Variants in TNFRSF8 observed in about 807,000 individuals in gnomAD.
TNFRSF8 encodes the protein tumor necrosis factor receptor superfamily member 8.
In TNFRSF8, 26 loss-of-function variants were observed where a neutral mutation model predicts 70.8. The observed-to-expected ratio is 0.37, with a 90% confidence interval of 0.27 to 0.51. TNFRSF8 has a LOEUF of 0.51. TNFRSF8 is among the 20% of genes least tolerant of loss of function. The probability of loss-of-function intolerance (pLI) is 0.94; values close to 1 mark genes in which losing one functional copy is unlikely to be tolerated. For missense variants in TNFRSF8, 720 were observed against 807.9 expected (o/e 0.89, Z 1.32); for synonymous variants, 356 against 339.2 (o/e 1.05, Z -0.54).
Position 12,119,216 on chromosome 1 carries a change from T to C in TNFRSF8, c.946+3487T>C, listed in dbSNP as rs529892712. On this transcript the variant is annotated intron_variant, in intron 8 of 14. Transcript: ENST00000263932. The surrounding 1 kb of genome is among the most constrained non-coding windows in gnomAD (Gnocchi z 4.4). ...GGCCTGGTGACCACCTTGATGTGGC[T>C]CTCCCAATGCAGACATTGGCACGTG... Among the ~76,000 whole-genome samples the C allele has an allele frequency of 2.6e-5, 4 of 152,158 alleles. No individual in the cohort carries two copies. Among genetic ancestry groups the C allele is most frequent in the Non-Finnish European group, 5.9e-5 (4 of 68,030 alleles).
At chr1:12,104,015 G>A (rs1431708949) in intron 3 of TNFRSF8, among the ~76,000 whole-genome samples, 3 of 152,020 alleles carry the variant, frequency 2.0e-5, no homozygotes, top group Admixed American at 2.0e-4. Flanking sequence ...TGAGCTCGTT[G>A]GTTCACCTCT....
chr1:12,128,073 C>A (rs574995458), intron 12 of TNFRSF8, among the ~76,000 whole-genome samples: 1 of 152,280 alleles, frequency 6.6e-6, no homozygotes, highest in Admixed American at 6.5e-5. Flanking sequence ...GGCCGGATGC[C>A]CCTTTCCCTC....
intron 2 of TNFRSF8, among the ~76,000 whole-genome samples, chr1:12,094,728 C>T (rs1185165953): frequency 1.3e-5 from 2 of 150,546 alleles, no homozygotes; most frequent in Non-Finnish European, 2.9e-5. Flanking sequence ...CAGGTTCAAG[C>T]AATTCTCCTG....
chr1:12,082,565 A>C (rs1263905053), intron 1 of TNFRSF8, among the ~76,000 whole-genome samples: 1 of 147,120 alleles, frequency 6.8e-6, no homozygotes, highest in East Asian at 2.0e-4. Context: ...AAAAAAAAAC[A>C]AAAACAAAAC....
At chr1:12,128,833 CTTTTTTTTTTT>C (rs60878706) in intron 12 of TNFRSF8, among the ~76,000 whole-genome samples, 1 of 111,776 alleles carries the variant, frequency 8.9e-6, no homozygotes. Context: ...GTCTAAAATT[CTTTTTTTTTTT>C]TTTTTTTTGA....
At chr1:12,134,735 C>T (rs893427769) in intron 12 of TNFRSF8, among the ~76,000 whole-genome samples, 1 of 152,194 alleles carries the variant, frequency 6.6e-6, no homozygotes, top group Non-Finnish European at 1.5e-5. Flanking sequence ...TGGCTTCGGG[C>T]GTGTCCCAGG....
At chr1:12,135,315 C>CAACAAA (rs1642125143) in intron 12 of TNFRSF8, among the ~76,000 whole-genome samples, 1 of 93,612 alleles carries the variant, frequency 1.1e-5, no homozygotes, top group Non-Finnish European at 2.0e-5. Context: ...GACTCCATCT[C>CAACAAA]AAAAAAAAAA....
intron 1 of TNFRSF8, among the ~76,000 whole-genome samples, chr1:12,076,931 A>G (rs11569798): frequency 0.013 from 2,002 of 152,114 alleles, 41 homozygotes; most frequent in African/African-American, 0.045. Context: ...AGTCCCCTAA[A>G]ACGTCCATAC....
At chr1:12,069,140 G>A (rs1640792804) in intron 1 of TNFRSF8, among the ~76,000 whole-genome samples, 1 of 144,822 alleles carries the variant, frequency 6.9e-6, no homozygotes, top group South Asian at 2.2e-4. Context: ...CAAAGTGCTG[G>A]GATTACAGGC....
intron 9 of TNFRSF8, 72 bp downstream of exon 9, chr1:12,123,449 C>T (rs1641871412): frequency 3.5e-6 from 5 of 1,419,510 alleles, no homozygotes; most frequent in Non-Finnish European, 4.8e-6. Flanking sequence ...CCAGGGGATG[C>T]CTGGGAGGCA....
intron 1 of TNFRSF8, among the ~76,000 whole-genome samples, chr1:12,075,224 A>G (rs1640917253): frequency 6.6e-6 from 1 of 150,932 alleles, no homozygotes; most frequent in South Asian, 2.1e-4. Flanking sequence ...AGCCTGGGCG[A>G]CAGAGTGAGA....
In TNFRSF8 at chr1:12,063,441, C is replaced by T; in HGVS notation, c.-158C>T. On this transcript the variant is annotated 5_prime_UTR_variant, in exon 1 of 15. Coordinates refer to ENST00000263932, the MANE Select transcript of TNFRSF8 (RefSeq NM_001243.5). This position sits in a 1 kb window ranked among gnomAD's most constrained non-coding sequence, Gnocchi z 7.2. ...ACTTTTGAAGTGACTTCGCGGCGTG[C>T]GTTGGGTGCGGACTAGGTGGCCGCG... 2 of 488,374 alleles carry T rather than the reference C, an allele frequency of 4.1e-6. No individual in the cohort carries two copies. Among genetic ancestry groups the T allele is most frequent in the Non-Finnish European group, 6.5e-6 (2 of 307,448 alleles). The allele number at this position is 488,374 out of a possible 1,614,324, so 30.3% of individuals were successfully genotyped here.
chr1:12,134,287 A>T (rs1024638924), intron 12 of TNFRSF8, among the ~76,000 whole-genome samples: 1 of 152,142 alleles, frequency 6.6e-6, no homozygotes, highest in African/African-American at 2.4e-5. Flanking sequence ...TGTGTGCCTG[A>T]CAACAGCATA....
intron 14 of TNFRSF8, among the ~76,000 whole-genome samples, chr1:12,139,803 T>G (rs1361196218): frequency 6.6e-6 from 1 of 152,120 alleles, no homozygotes; most frequent in Non-Finnish European, 1.5e-5. Context: ...CCTGGCTAAT[T>G]TTTTGTATTT....
intron 8 of TNFRSF8, among the ~76,000 whole-genome samples, chr1:12,118,692 C>T (rs1219195091): frequency 2.0e-5 from 3 of 152,208 alleles, no homozygotes; most frequent in African/African-American, 4.8e-5. Flanking sequence ...GTGATCAGCC[C>T]ATCATCTCTA....
chr1:12,135,554 TC>T, intron 12 of TNFRSF8, 33 bp from the exon 13 acceptor site: 1 of 1,613,650 alleles, frequency 6.2e-7, no homozygotes, highest in African/African-American at 1.3e-5. Context: ...GCTGCCAGAC[TC>T]CTTGGTGAAG....
intron 9 of TNFRSF8, 128 bp from the exon 10 acceptor site, chr1:12,123,587 A>G: frequency 1.0e-6 from 1 of 965,428 alleles, no homozygotes; most frequent in Non-Finnish European, 1.5e-6. Flanking sequence ...TGCCTGGCAG[A>G]GACTCGGGGC....
intron 4 of TNFRSF8, among the ~76,000 whole-genome samples, chr1:12,107,519 A>G (rs1160148650): frequency 9.2e-5 from 14 of 152,156 alleles, no homozygotes; most frequent in Non-Finnish European, 1.0e-4. Context: ...ATTATTTTTT[A>G]TATTGATTGC....
chr1:12,093,436 C>T (rs966087672), intron 2 of TNFRSF8, among the ~76,000 whole-genome samples: 26 of 152,028 alleles, frequency 1.7e-4, no homozygotes, highest in Non-Finnish European at 2.4e-4. Context: ...TGGGGAATGC[C>T]GTATGAACTA....
Sources: gnomAD v4.1 joint callset for allele counts (sites outside exome capture counted in the v4.1 genomes callset) on GRCh38, gnomAD v4.1.1 for gene constraint, Gnocchi (gnomAD v3.1) non-coding constraint, MANE v1.5 for transcripts, NCBI Gene and HGNC (gene_info 2026-07-23, HGNC 2026-07-21) for gene names.